Variants in LDB2 observed in about 807,000 individuals in gnomAD.
The protein encoded by LDB2 is LIM domain-binding protein 2.
In LDB2, 12 loss-of-function variants were observed where a neutral mutation model predicts 44.3. That is an observed-to-expected ratio of 0.27 (90% CI 0.17 to 0.44). The LOEUF (loss-of-function observed/expected upper bound fraction) is 0.44, where lower values mean the gene tolerates loss of function less well. LDB2 is among the 20% of genes least tolerant of loss of function. LDB2 has a pLI of 1.00. For missense variants in LDB2, 344 were observed against 473.5 expected (o/e 0.73, Z 2.54); for synonymous variants, 164 against 174.8 (o/e 0.94, Z 0.49).
At chr4:16,725,260 A>G (rs1452812018) in intron 2 of LDB2, among the ~76,000 whole-genome samples, 4 of 151,994 alleles carry the variant, frequency 2.6e-5, no homozygotes, top group African/African-American at 4.8e-5. Flanking sequence ...ACACACACAC[A>G]CGCACACACA....
chr4:16,502,951 C>T (rs775440770), intron 7 of LDB2, 78 bp from the exon 8 acceptor site: 13 of 1,602,930 alleles, frequency 8.1e-6, no homozygotes, highest in Middle Eastern at 1.7e-4. Flanking sequence ...TGGGAGGAGT[C>T]GGGGAATCTA....
intron 5 of LDB2, among the ~76,000 whole-genome samples, chr4:16,518,358 C>T (rs1724634484): frequency 1.3e-5 from 2 of 152,202 alleles, no homozygotes; most frequent in African/African-American, 4.8e-5. Flanking sequence ...TAGGCTCTGT[C>T]TACCATCAAC....
At chr4:16,782,943 T>C (rs965922776) in intron 1 of LDB2, among the ~76,000 whole-genome samples, 5 of 151,936 alleles carry the variant, frequency 3.3e-5, no homozygotes, top group African/African-American at 1.2e-4. Flanking sequence ...AAAAATAAAA[T>C]AGAATAATAC....
At chr4:16,654,827 T>A (rs1021863060) in intron 2 of LDB2, among the ~76,000 whole-genome samples, 15 of 152,232 alleles carry the variant, frequency 9.9e-5, no homozygotes, top group Non-Finnish European at 1.9e-4. Flanking sequence ...GGGTTACTTT[T>A]AAAATTTTAT....
intron 5 of LDB2, among the ~76,000 whole-genome samples, chr4:16,575,918 T>A (rs754582663): frequency 6.6e-5 from 10 of 152,140 alleles, no homozygotes; most frequent in East Asian, 3.9e-4. Flanking sequence ...TGTATTTTTT[T>A]AAATAGAGAT....
intron 2 of LDB2, among the ~76,000 whole-genome samples, chr4:16,646,200 CTT>C (rs1257621804): frequency 6.6e-6 from 1 of 152,306 alleles, no homozygotes; most frequent in Admixed American, 6.5e-5. Flanking sequence ...GTTTCCATGA[CTT>C]TTTCACAGTT....
chr4:16,539,090 A>T (rs1482899813), intron 5 of LDB2, among the ~76,000 whole-genome samples: 1 of 135,872 alleles, frequency 7.4e-6, no homozygotes, highest in Non-Finnish European at 1.7e-5. Context: ...ATGTAGGCAA[A>T]GTTTCACACA....
chr4:16,510,822 C>G (rs551158943), intron 6 of LDB2, among the ~76,000 whole-genome samples: 1 of 152,086 alleles, frequency 6.6e-6, no homozygotes, highest in South Asian at 2.1e-4. Flanking sequence ...ACGTCTGGAG[C>G]CTAATAAATC....
chr4:16,729,420 CT>C lies in LDB2; in HGVS notation c.235+29737del, dbSNP rs758269279. On this transcript the variant is annotated intron_variant, in intron 2 of 7. Coordinates refer to ENST00000304523, the MANE Select transcript of LDB2 (RefSeq NM_001290.5). ...TTCAGTCGGAAATTCACATTTAAAA[CT>C]TAGATTTTTCTCTTTGAATGGCAAC... 9.2e-5 allele frequency among the ~76,000 whole-genome samples: 14 copies of C among 152,178 alleles called. No homozygotes were observed. In the South Asian group the frequency reaches 2.1e-3, roughly 23 times the overall value.
chr4:16,577,695 T>C (rs1712317738), intron 5 of LDB2, among the ~76,000 whole-genome samples: 1 of 152,128 alleles, frequency 6.6e-6, no homozygotes, highest in South Asian at 2.1e-4. Context: ...ACCAATGACA[T>C]TCTTCACAAA....
chr4:16,743,352 G>A (rs1763728902), intron 2 of LDB2, among the ~76,000 whole-genome samples: 1 of 152,042 alleles, frequency 6.6e-6, no homozygotes, highest in Admixed American at 6.6e-5. Flanking sequence ...CTCATGCCCT[G>A]GTGGTAGAAA....
chr4:16,788,165 C>T (rs1774894310), intron 1 of LDB2, among the ~76,000 whole-genome samples: 1 of 152,198 alleles, frequency 6.6e-6, no homozygotes, highest in South Asian at 2.1e-4. Context: ...TAAGAAAATC[C>T]CAAGAGCTTT....
intron 2 of LDB2, among the ~76,000 whole-genome samples, chr4:16,702,759 G>A (rs1753738172): frequency 6.6e-6 from 1 of 152,108 alleles, no homozygotes; most frequent in African/African-American, 2.4e-5. Context: ...GCCCAAGCAG[G>A]AAGACTGCCC....
At chr4:16,852,713 T>C (rs1788534196) in intron 1 of LDB2, among the ~76,000 whole-genome samples, 3 of 152,176 alleles carry the variant, frequency 2.0e-5, no homozygotes, top group Non-Finnish European at 4.4e-5. Flanking sequence ...TTAAATCCCT[T>C]AAATTATTCT....
intron 2 of LDB2, among the ~76,000 whole-genome samples, chr4:16,608,542 G>A (rs1302539215): frequency 6.6e-6 from 1 of 152,182 alleles, no homozygotes; most frequent in African/African-American, 2.4e-5. Context: ...CGGCCTCTGC[G>A]CATTCTATGG....
At chr4:16,528,108 A>G in intron 5 of LDB2, among the ~76,000 whole-genome samples, 1 of 152,148 alleles carries the variant, frequency 6.6e-6, no homozygotes, top group African/African-American at 2.4e-5. Context: ...TAACTTGGGA[A>G]TGGAAAACCA....
At chr4:16,579,302 A>AC (rs746802537) in intron 5 of LDB2, among the ~76,000 whole-genome samples, 28 of 152,162 alleles carry the variant, frequency 1.8e-4, no homozygotes, top group Non-Finnish European at 2.9e-4. Flanking sequence ...AAATATATAC[A>AC]CCTACTATGT....
chr4:16,630,976 CACAATAAT>C (rs2152494617), intron 2 of LDB2, among the ~76,000 whole-genome samples: 1 of 152,242 alleles, frequency 6.6e-6, no homozygotes, highest in African/African-American at 2.4e-5. Flanking sequence ...TAGACTCCCA[CACAATAAT>C]AATGGGAGAC....
In LDB2 at chr4:16,564,289, A is replaced by T. The variant is rs185999642; in HGVS notation, c.615+21633T>A. Among the ~76,000 whole-genome samples the T allele has an allele frequency of 2.8e-3, 426 of 152,316 alleles. 1 individual carries two copies. The highest frequency in any genetic ancestry group is 4.4e-3 in the Non-Finnish European group (298 of 68,028). ...GACAGGAGAATCACTTGAACCTGGGAGGTGGAGGTTGCAGTGAGCTGAGAT... is the reference window on the plus strand; with the variant it reads ...GACAGGAGAATCACTTGAACCTGGGTGGTGGAGGTTGCAGTGAGCTGAGAT... On this transcript the variant is annotated intron_variant, in intron 5 of 7. Transcript: ENST00000304523.
Sources: gnomAD v4.1 joint callset for allele counts (sites outside exome capture counted in the v4.1 genomes callset) on GRCh38, gnomAD v4.1.1 for gene constraint, MANE v1.5 for transcripts, NCBI Gene and HGNC (gene_info 2026-07-23, HGNC 2026-07-21) for gene names.